Variants in L3MBTL4 observed in about 807,000 individuals in gnomAD.
The protein encoded by L3MBTL4 is L3MBTL histone methyl-lysine binding protein 4, also known as lethal(3)malignant brain tumor-like protein 4.
A neutral mutation model predicts 84.5 loss-of-function variants in L3MBTL4; 70 were observed. The ratio of observed to expected loss-of-function variants is 0.83; its 90% CI spans 0.68 to 1.01. The LOEUF (loss-of-function observed/expected upper bound fraction) is 1.01, where lower values mean the gene tolerates loss of function less well. Among genes scored for constraint, L3MBTL4 ranks in the 50% least tolerant of loss-of-function variants. The pLI, the probability that L3MBTL4 is intolerant of heterozygous loss-of-function variation, is 0.00. For missense variants in L3MBTL4, 715 were observed against 754.8 expected (o/e 0.95, Z 0.62); for synonymous variants, 274 against 259.8 (o/e 1.05, Z -0.52).
At chr18:6,383,903 G>C (rs1361571755) in intron 1 of L3MBTL4, among the ~76,000 whole-genome samples, 1 of 152,128 alleles carries the variant, frequency 6.6e-6, no homozygotes, top group Non-Finnish European at 1.5e-5. Context: ...TTTAGGATCA[G>C]GTACAGTTTT....
chr18:6,058,824 C>T (rs371320933), intron 16 of L3MBTL4, among the ~76,000 whole-genome samples: 3 of 152,236 alleles, frequency 2.0e-5, no homozygotes, highest in Admixed American at 6.5e-5. Flanking sequence ...AATCTGATAC[C>T]GGGAATAAGG....
intron 4 of L3MBTL4, among the ~76,000 whole-genome samples, chr18:6,285,617 C>T (rs916615334): frequency 1.1e-4 from 17 of 151,988 alleles, no homozygotes; most frequent in African/African-American, 3.4e-4. Flanking sequence ...CATACCATTG[C>T]TCCAAAGATG....
intron 4 of L3MBTL4, among the ~76,000 whole-genome samples, chr18:6,297,733 C>CT: frequency 6.6e-6 from 1 of 152,268 alleles, no homozygotes; most frequent in Admixed American, 6.5e-5. Context: ...TATCTAACAA[C>CT]TTAGAGATGA....
intron 1 of L3MBTL4, among the ~76,000 whole-genome samples, chr18:6,388,257 A>G (rs2054905459): frequency 6.6e-6 from 1 of 152,226 alleles, no homozygotes. Flanking sequence ...GGACAAATGT[A>G]TTAAGGATGG....
At position 5,954,910 on chromosome 18, in the gene L3MBTL4, C is replaced by T. The variant is rs1040977375; in HGVS notation, c.*1310G>A. The T allele has an allele frequency of 6.6e-6, 1 of 152,070 alleles. No individual in the cohort carries two copies. The highest frequency in any genetic ancestry group is 2.4e-5 in the African/African-American group (1 of 41,398). The allele number at this position is 152,070 out of a possible 1,614,324, so 9.4% of individuals were successfully genotyped here. A position where few individuals can be genotyped will look rare whatever the true frequency, so the allele number is the denominator to read the frequency against. The stretch of plus-strand genomic sequence containing the variant: ...TCTAAAGAAATGTTATATATGCACA[C>T]CTCTTAGAGTTTGTTTATTTTCTTC... On this transcript the variant is annotated 3_prime_UTR_variant, in exon 19 of 19. Transcript: ENST00000317931.
chr18:6,289,585 A>T (rs1568442493), intron 4 of L3MBTL4, among the ~76,000 whole-genome samples: 1 of 152,160 alleles, frequency 6.6e-6, no homozygotes. Context: ...CCTGTCTCAG[A>T]GGTTAATCTT....
intron 12 of L3MBTL4, among the ~76,000 whole-genome samples, chr18:6,212,167 T>A (rs1335477903): frequency 6.6e-6 from 1 of 152,190 alleles, no homozygotes; most frequent in Admixed American, 6.5e-5. Context: ...TTAACATAGT[T>A]TTTGTTTTCA....
In L3MBTL4 at chr18:6,172,472, G is replaced by C. The variant is rs1038624112; in HGVS notation, c.982-530C>G. ...AAAAACAGTAGACAAAATATGCTAG[G>C]GGGTAGGTAGATAGATTTTAATAGC... On this transcript the variant is annotated intron_variant, in intron 12 of 18. Transcript: ENST00000317931. Among the ~76,000 whole-genome samples, 13 of 152,190 alleles carry C rather than the reference G, an allele frequency of 8.5e-5. No homozygotes were observed. The East Asian group carries it at 2.3e-3, about 27-fold the overall frequency.
intron 1 of L3MBTL4, among the ~76,000 whole-genome samples, chr18:6,388,192 A>G (rs1199581075): frequency 6.6e-6 from 1 of 152,204 alleles, no homozygotes; most frequent in East Asian, 1.9e-4. Flanking sequence ...AAATGCAAGT[A>G]CCAACAATCC....
chr18:6,252,622 A>G (rs1416497929), intron 5 of L3MBTL4, among the ~76,000 whole-genome samples: 2 of 152,194 alleles, frequency 1.3e-5, no homozygotes, highest in South Asian at 2.1e-4. Flanking sequence ...TAAAAAATCA[A>G]CACATACACA....
intron 16 of L3MBTL4, among the ~76,000 whole-genome samples, chr18:6,011,969 G>C (rs1049717069): frequency 6.6e-6 from 1 of 152,218 alleles, no homozygotes. Flanking sequence ...AGTAAACTTT[G>C]CTTCTGGACA....
intron 12 of L3MBTL4, among the ~76,000 whole-genome samples, chr18:6,184,644 T>C (rs1211602749): frequency 6.6e-6 from 1 of 152,216 alleles, no homozygotes; most frequent in Non-Finnish European, 1.5e-5. Flanking sequence ...CACATGTTCC[T>C]CTTGGCTATA....
intron 1 of L3MBTL4, among the ~76,000 whole-genome samples, chr18:6,374,893 T>C (rs990193646): frequency 3.9e-5 from 6 of 152,194 alleles, no homozygotes; most frequent in African/African-American, 1.4e-4. Flanking sequence ...TGGAAAAATA[T>C]TCAGAAGCAA....
intron 14 of L3MBTL4, among the ~76,000 whole-genome samples, chr18:6,111,230 G>C (rs2059186622): frequency 6.6e-6 from 1 of 152,078 alleles, no homozygotes; most frequent in Non-Finnish European, 1.5e-5. Context: ...GTTTTCTTTG[G>C]GGCTGATGAG....
chr18:6,345,862 C>T (rs1453807613), intron 1 of L3MBTL4, among the ~76,000 whole-genome samples: 1 of 151,772 alleles, frequency 6.6e-6, no homozygotes, highest in African/African-American at 2.4e-5. Context: ...CCACTAATAG[C>T]CAAAGAGATA....
intron 1 of L3MBTL4, among the ~76,000 whole-genome samples, chr18:6,378,942 T>C (rs1474411725): frequency 6.6e-6 from 1 of 151,794 alleles, no homozygotes; most frequent in Non-Finnish European, 1.5e-5. Context: ...TGATTCTTCC[T>C]ATCCATGAGC....
chr18:6,343,995 A>AG (rs1251427030), intron 1 of L3MBTL4, among the ~76,000 whole-genome samples: 3 of 133,148 alleles, frequency 2.3e-5, no homozygotes, highest in Non-Finnish European at 4.7e-5. Flanking sequence ...AAGGAGCTAG[A>AG]GGAAAAAAAA....
At chr18:6,122,136 G>T (rs749333316) in intron 14 of L3MBTL4, among the ~76,000 whole-genome samples, 1 of 152,144 alleles carries the variant, frequency 6.6e-6, no homozygotes, top group Non-Finnish European at 1.5e-5. Flanking sequence ...TCACAGGGCT[G>T]CTCTGTGTAT....
chr18:5,980,430 C>CTTTTTTTTTTTT (rs10664833), intron 16 of L3MBTL4, among the ~76,000 whole-genome samples: 1 of 123,048 alleles, frequency 8.1e-6, no homozygotes, highest in Non-Finnish European at 1.6e-5. Flanking sequence ...TTAGTTTGCG[C>CTTTTTTTTTTTT]TTTTTTTTTT....
Sources: allele counts gnomAD v4.1 joint callset (sites outside exome capture counted in the v4.1 genomes callset), GRCh38; gene constraint gnomAD v4.1.1; transcripts MANE v1.5; gene names NCBI Gene and HGNC (gene_info 2026-07-23, HGNC 2026-07-21).